Variants in GPC5 observed in about 807,000 individuals in gnomAD.
GPC5 encodes glypican 5.
Under a neutral mutation model 53.9 loss-of-function variants are expected in GPC5, and 47 were observed. That is an observed-to-expected ratio of 0.87 (90% CI 0.69 to 1.11). The LOEUF (loss-of-function observed/expected upper bound fraction) is 1.11, where lower values mean the gene tolerates loss of function less well. GPC5 is among the 50% of genes most tolerant of loss of function. GPC5 has a pLI of 0.00. For missense variants in GPC5, 748 were observed against 713.1 expected, an observed-to-expected ratio of 1.05 and a Z score of -0.56; for synonymous variants, 286 against 263.3, an observed-to-expected ratio of 1.09 and a Z score of -0.84.
At chr13:91,695,925 A>G (rs1258495614) in intron 3 of GPC5, among the ~76,000 whole-genome samples, 1 of 152,136 alleles carries the variant, frequency 6.6e-6, no homozygotes, top group Non-Finnish European at 1.5e-5. Context: ...TATTTCAAAG[A>G]CTAAAATAAA....
chr13:92,259,775 T>C (rs1448659655), intron 7 of GPC5, among the ~76,000 whole-genome samples: 1 of 152,184 alleles, frequency 6.6e-6, no homozygotes, highest in Non-Finnish European at 1.5e-5. Flanking sequence ...CTCCCTTGAC[T>C]TGGGCAAAGC....
intron 7 of GPC5, among the ~76,000 whole-genome samples, chr13:92,640,545 C>T (rs1287646276): frequency 6.6e-6 from 1 of 152,160 alleles, no homozygotes; most frequent in East Asian, 1.9e-4. Context: ...CAGGCGTGAG[C>T]CACTACGCCC....
intron 7 of GPC5, among the ~76,000 whole-genome samples, chr13:92,532,961 A>G (rs983039164): frequency 1.8e-4 from 28 of 152,128 alleles, no homozygotes; most frequent in African/African-American, 6.8e-4. Flanking sequence ...GTTATTATTA[A>G]TTTGGCAAGT....
At chr13:91,795,794 G>A (rs996959736) in intron 5 of GPC5, among the ~76,000 whole-genome samples, 4 of 151,992 alleles carry the variant, frequency 2.6e-5, no homozygotes, top group African/African-American at 7.3e-5. Context: ...TGAGCATTCC[G>A]GGCTTTCTCT....
chr13:91,740,918 G>A (rs1406294644), intron 4 of GPC5, among the ~76,000 whole-genome samples: 2 of 152,136 alleles, frequency 1.3e-5, no homozygotes, highest in South Asian at 2.1e-4. Flanking sequence ...TGGTGTGGCT[G>A]TGCCAATTAA....
intron 7 of GPC5, among the ~76,000 whole-genome samples, chr13:92,633,687 A>G (rs1885328507): frequency 6.6e-6 from 1 of 152,106 alleles, no homozygotes; most frequent in Non-Finnish European, 1.5e-5. Context: ...TTTATCAATT[A>G]GTAATGATGT....
intron 2 of GPC5, among the ~76,000 whole-genome samples, chr13:91,688,762 C>T (rs138446009): frequency 9.4e-4 from 143 of 152,152 alleles, no homozygotes; most frequent in African/African-American, 3.2e-3. Flanking sequence ...ATAGGTTCAT[C>T]GCTCCTAGGC....
intron 7 of GPC5, among the ~76,000 whole-genome samples, chr13:92,602,175 C>T (rs1008135095): frequency 2.2e-5 from 3 of 137,156 alleles, no homozygotes; most frequent in Non-Finnish European, 3.1e-5. Context: ...CAAATACACA[C>T]TATATATATT....
chr13:92,330,232 TTCCC>T (rs2043279681), intron 7 of GPC5, among the ~76,000 whole-genome samples: 1 of 152,168 alleles, frequency 6.6e-6, no homozygotes, highest in Non-Finnish European at 1.5e-5. Flanking sequence ...AATCCCCAAA[TTCCC>T]TCTCTTCATT....
chr13:91,523,776 G>C (rs369622956), intron 2 of GPC5, among the ~76,000 whole-genome samples: 2 of 152,226 alleles, frequency 1.3e-5, no homozygotes, highest in East Asian at 3.9e-4. Context: ...ACATTAATTA[G>C]CTTAAATGTA....
chr13:91,477,365 A>G (rs1455529759), intron 2 of GPC5, among the ~76,000 whole-genome samples: 1 of 152,144 alleles, frequency 6.6e-6, no homozygotes, highest in Non-Finnish European at 1.5e-5. Flanking sequence ...AAAACAGAAG[A>G]GTCCAAGATG....
rs77638420 is a variant in GPC5 at position 92,430,770 on chromosome 13, G to A, written c.1561+285781G>A. On this transcript the variant is annotated intron_variant, in intron 7 of 7. Coordinates refer to ENST00000377067, the MANE Select transcript of GPC5 (RefSeq NM_004466.6). ...TCTGAAAGAGAATACAAGTGGGTGAGGGACAATGGGAACCCAAGTCATAAG... is the reference window on the plus strand; with the variant it reads ...TCTGAAAGAGAATACAAGTGGGTGAAGGACAATGGGAACCCAAGTCATAAG... Among the ~76,000 whole-genome samples the A allele has an allele frequency of 1.8e-3, 273 of 152,124 alleles. 10 individuals are homozygous for A. In the East Asian group the frequency reaches 0.048, roughly 27 times the overall value.
intron 6 of GPC5, among the ~76,000 whole-genome samples, chr13:92,059,639 A>C (rs1311019007): frequency 2.0e-5 from 3 of 151,928 alleles, no homozygotes; most frequent in African/African-American, 7.3e-5. Flanking sequence ...TTTCCTTTAT[A>C]AGTATGTACC....
At chr13:91,425,839 G>A (rs1327773460) in intron 1 of GPC5, among the ~76,000 whole-genome samples, 5 of 152,164 alleles carry the variant, frequency 3.3e-5, no homozygotes, top group Non-Finnish European at 5.9e-5. Context: ...GAAGATGTGG[G>A]AAAGTTTGGA....
intron 2 of GPC5, among the ~76,000 whole-genome samples, chr13:91,456,028 A>C (rs1446444937): frequency 6.6e-6 from 1 of 152,064 alleles, no homozygotes; most frequent in Non-Finnish European, 1.5e-5. Flanking sequence ...TTCTCAGCTC[A>C]TTCTCTCTGG....
At chr13:91,694,516 C>T (rs543119750) in intron 3 of GPC5, among the ~76,000 whole-genome samples, 6 of 152,260 alleles carry the variant, frequency 3.9e-5, no homozygotes, top group African/African-American at 7.2e-5. Flanking sequence ...CAGGCTGAAA[C>T]GTTTTTAAAA....
chr13:92,312,710 T>G (rs1276255618), intron 7 of GPC5, among the ~76,000 whole-genome samples: 1 of 152,130 alleles, frequency 6.6e-6, no homozygotes, highest in Non-Finnish European at 1.5e-5. Flanking sequence ...TCATGTTAAA[T>G]TAGAAAAAAA....
chr13:92,814,399 G>T (rs1366933691), intron 7 of GPC5, among the ~76,000 whole-genome samples: 1 of 151,932 alleles, frequency 6.6e-6, no homozygotes, highest in Non-Finnish European at 1.5e-5. Flanking sequence ...GGTGTCTCAT[G>T]CCTGTAATTC....
intron 7 of GPC5, among the ~76,000 whole-genome samples, chr13:92,464,666 A>C (rs1290854412): frequency 6.6e-6 from 1 of 152,002 alleles, no homozygotes; most frequent in Non-Finnish European, 1.5e-5. Flanking sequence ...AGAAATTTTA[A>C]AGGTACATTT....
Sources: gnomAD v4.1 joint callset for allele counts (sites outside exome capture counted in the v4.1 genomes callset) on GRCh38, gnomAD v4.1.1 for gene constraint, MANE v1.5 for transcripts, NCBI Gene and HGNC (gene_info 2026-07-23, HGNC 2026-07-21) for gene names.